The following FBLIM1 variants were observed in gnomAD, a reference collection of about 807,000 sequenced individuals.
FBLIM1 encodes the protein filamin binding LIM protein 1.
A neutral mutation model predicts 37.4 loss-of-function variants in FBLIM1; 29 were observed. The ratio of observed to expected loss-of-function variants is 0.77; its 90% CI spans 0.58 to 1.06. FBLIM1 has a LOEUF of 1.06. Among genes scored for constraint, FBLIM1 ranks in the 50% least tolerant of loss-of-function variants. The pLI, the probability that FBLIM1 is intolerant of heterozygous loss-of-function variation, is 0.00. For synonymous variants in FBLIM1, 193 were observed against 199.0 expected, an observed-to-expected ratio of 0.97 and a Z score of 0.25; for missense variants, 449 against 505.6, an observed-to-expected ratio of 0.89 and a Z score of 1.07.
intron 1 of FBLIM1, among the ~76,000 whole-genome samples, chr1:15,761,825 C>G (rs2068684660): frequency 6.6e-6 from 1 of 152,068 alleles, no homozygotes; most frequent in Admixed American, 6.6e-5. Flanking sequence ...CGCTGTGAAC[C>G]CAAAGTGGCC....
intron 6 of FBLIM1, among the ~76,000 whole-genome samples, chr1:15,772,531 G>C (rs757376971): frequency 3.9e-5 from 6 of 152,178 alleles, no homozygotes; most frequent in Non-Finnish European, 5.9e-5. Context: ...CAGGAGCACA[G>C]CCAGGAAGGA....
intron 1 of FBLIM1, among the ~76,000 whole-genome samples, chr1:15,764,145 T>G (rs527496886): frequency 5.3e-5 from 8 of 152,154 alleles, no homozygotes; most frequent in African/African-American, 1.9e-4. Flanking sequence ...TGCTGGCTCA[T>G]GTGCAGGGCT....
At chr1:15,777,811 G>A (rs371571330) in intron 8 of FBLIM1, among the ~76,000 whole-genome samples, 16 of 152,084 alleles carry the variant, frequency 1.1e-4, no homozygotes, top group African/African-American at 3.6e-4. Context: ...GACCTCAGGT[G>A]ATCCGCCCAC....
intron 5 of FBLIM1, 118 bp downstream of exon 5, chr1:15,768,748 CA>C (rs2069054513): frequency 1.7e-6 from 1 of 577,864 alleles, no homozygotes; most frequent in African/African-American, 1.9e-5. Context: ...CTCATGTTAA[CA>C]ATGATGGGCT....
rs768445913 is a variant in FBLIM1, at chr1:15,767,506, C to T, written c.381C>T (p.Ala127=). The T allele has an allele frequency of 1.2e-5, 19 of 1,540,048 alleles. No homozygotes were observed. Among genetic ancestry groups the T allele is most frequent in the Non-Finnish European group, 1.5e-5 (17 of 1,147,786 alleles). ...SEEEAPAPMG[A]SLIADLEQLH... ...AGGAGGCTCCTGCTCCAATGGGGGC[C>T]TCACTCATTGCAGACTTAGAGCAGC... is the stretch of plus-strand genomic sequence containing the variant. Residue 127 remains alanine, a synonymous_variant, in exon 4 of 9, where the codon GCC becomes GCT. Coordinates refer to ENST00000375766, the MANE Select transcript of FBLIM1 (RefSeq NM_017556.4).
intron 6 of FBLIM1, 67 bp from the exon 7 acceptor site, chr1:15,774,551 A>C: frequency 1.9e-6 from 3 of 1,539,958 alleles, no homozygotes; most frequent in Non-Finnish European, 2.6e-6. Flanking sequence ...GCCTCTCAGA[A>C]GAAGACGACC....
chr1:15,782,636 G>T (rs371488901), intron 8 of FBLIM1, among the ~76,000 whole-genome samples: 30 of 152,080 alleles, frequency 2.0e-4, no homozygotes, highest in African/African-American at 7.0e-4. Flanking sequence ...AGGTGGCACA[G>T]ATGGTGCAGT....
Position 15,766,253 on chromosome 1 carries a change from TCTCACCAC to T in FBLIM1, c.250+1022_250+1029del, listed in dbSNP as rs557467942. Reference sequence around the variant, plus strand: ...CTCCCAAGGAGCTGGGACCACAAGCTCTCACCACCAGGCCCAGCTAATTTGTGTGTGTG... The same window carrying T: ...CTCCCAAGGAGCTGGGACCACAAGCTCAGGCCCAGCTAATTTGTGTGTGTG... On this transcript the variant is annotated intron_variant, in intron 3 of 8. Transcript: ENST00000375766. 1.1e-3 allele frequency among the ~76,000 whole-genome samples: 167 copies of T among 151,578 alleles called. 1 individual carries two copies. Among genetic ancestry groups the T allele is most frequent in the Middle Eastern group, 3.4e-3 (1 of 292 alleles).
intron 8 of FBLIM1, among the ~76,000 whole-genome samples, chr1:15,777,555 G>GCAT (rs1372261596): frequency 2.0e-5 from 3 of 151,268 alleles, no homozygotes; most frequent in Non-Finnish European, 2.9e-5. Flanking sequence ...TTGAGCGATG[G>GCAT]CATCAGGACT....
intron 6 of FBLIM1, among the ~76,000 whole-genome samples, 154 bp downstream of exon 6, chr1:15,770,732 G>A (rs2069161476): frequency 6.6e-6 from 1 of 152,208 alleles, no homozygotes; most frequent in African/African-American, 2.4e-5. Context: ...GGAGCCCAGT[G>A]AAGGCGATTG....
intron 8 of FBLIM1, among the ~76,000 whole-genome samples, chr1:15,779,331 G>T (rs189249817): frequency 6.6e-6 from 1 of 151,702 alleles, no homozygotes; most frequent in African/African-American, 2.4e-5. Flanking sequence ...TTGAGATGGC[G>T]TCTCACTCTG....
chr1:15,771,249 GT>G (rs56244044), intron 6 of FBLIM1, among the ~76,000 whole-genome samples: 86,884 of 133,534 alleles, frequency 0.65, 27,947 homozygotes, highest in East Asian at 0.79. Flanking sequence ...GTTTTTTTTT[GT>G]TTTTTTTTTT....
chr1:15,770,422 C>T lies in FBLIM1; in HGVS notation c.555C>T (p.Phe185=), dbSNP rs1376665427. Residue 185 remains phenylalanine (F), a synonymous_variant, in exon 6 of 9, where the codon TTC becomes TTT. Transcript: ENST00000375766. ...CCCCTACCCCAGACATCTGTGCCTT[C>T]TGCCACAAGACCGTGTCCCCCCGAG... ...EKGASTDICA[F]CHKTVSPREL... is the part of the protein sequence containing the mutation. The T allele has an allele frequency of 1.9e-6, 3 of 1,613,114 alleles. No homozygotes were observed. Among genetic ancestry groups the T allele is most frequent in the Admixed American group, 3.3e-5 (2 of 59,958 alleles).
At chr1:15,777,445 G>T (rs193105296) in intron 8 of FBLIM1, among the ~76,000 whole-genome samples, 158 bp downstream of exon 8, 1 of 152,158 alleles carries the variant, frequency 6.6e-6, no homozygotes, top group Admixed American at 6.6e-5. Flanking sequence ...TGCAACCATA[G>T]TCTATTATCA....
In FBLIM1 at chr1:15,774,687, G is replaced by T; in HGVS notation, c.781G>T (p.Ala261Ser). The T allele has an allele frequency of 1.2e-6, 2 of 1,614,112 alleles. No homozygotes were observed. Among genetic ancestry groups the T allele is most frequent in the Non-Finnish European group, 1.7e-6 (2 of 1,179,990 alleles). ...CCACATCATCAGGGCCCTGGGCCAGGCCTTCCACCCCTCCTGCTTCACGTG... is the reference window on the plus strand; with the variant it reads ...CCACATCATCAGGGCCCTGGGCCAGTCCTTCCACCCCTCCTGCTTCACGTG... ...RDHIIRALGQ[A>S]FHPSCFTCVT... Residue 261 changes from alanine (A) to serine (S), a missense_variant, in exon 7 of 9, where the codon GCC becomes TCC. Coordinates refer to ENST00000375766, the MANE Select transcript of FBLIM1 (RefSeq NM_017556.4).
chr1:15,774,641 G>A lies in FBLIM1; in HGVS notation c.735G>A (p.Lys245=). 1 of 1,613,834 alleles carries A rather than the reference G, an allele frequency of 6.2e-7. No homozygotes were observed. The highest frequency in any genetic ancestry group is 8.5e-7 in the Non-Finnish European group (1 of 1,179,932). Residue 245 remains lysine (K), a synonymous_variant, in exon 7 of 9, where the codon AAG becomes AAA. Transcript: ENST00000375766. ...CYQDTLERCG[K]CGEVVRDHII... is the part of the protein sequence containing the mutation. ...AGGACACACTGGAGAGGTGCGGCAA[G>A]TGTGGCGAGGTGGTCCGGGACCACA...
Position 15,784,772 on chromosome 1 carries a change from G to A in FBLIM1, c.*111G>A. 1.1e-6 allele frequency: 1 copy of A among 940,198 alleles called. No individual in the cohort carries two copies. Among genetic ancestry groups the A allele is most frequent in the Non-Finnish European group, 1.6e-6 (1 of 616,560 alleles). The allele number at this position is 940,198 out of a possible 1,614,324, so 58.2% of individuals were successfully genotyped here. On this transcript the variant is annotated 3_prime_UTR_variant, in exon 9 of 9. Coordinates refer to ENST00000375766, the MANE Select transcript of FBLIM1 (RefSeq NM_017556.4). ...CACTTTCCTTCTGAGCCTCCATGGAGACCAGCCTGCAAGCCGGCCCAGCCT... is the reference window on the plus strand; with the variant it reads ...CACTTTCCTTCTGAGCCTCCATGGAAACCAGCCTGCAAGCCGGCCCAGCCT...
chr1:15,766,278 GTGTGTGTGTGTGTA>G (rs1557689881), intron 3 of FBLIM1, among the ~76,000 whole-genome samples: 1 of 151,004 alleles, frequency 6.6e-6, no homozygotes, highest in African/African-American at 2.4e-5. Flanking sequence ...CAGCTAATTT[GTGTGTGTGTGTGTA>G]TGTGTGTGTG....
chr1:15,768,084 T>C (rs1326985830), intron 4 of FBLIM1, among the ~76,000 whole-genome samples: 1 of 152,126 alleles, frequency 6.6e-6, no homozygotes, highest in Non-Finnish European at 1.5e-5. Flanking sequence ...GGTTTCACCA[T>C]GTTGGTCAGG....
Sources: gnomAD v4.1 joint callset for allele counts (sites outside exome capture counted in the v4.1 genomes callset) on GRCh38, gnomAD v4.1.1 for gene constraint, MANE v1.5 for transcripts, NCBI Gene and HGNC (gene_info 2026-07-23, HGNC 2026-07-21) for gene names.